DCLRE1A: variants seen among roughly 807,000 people sequenced by gnomAD.
DCLRE1A encodes DNA cross-link repair 1A protein.
Under a neutral mutation model 91.9 loss-of-function variants are expected in DCLRE1A, and 64 were observed. That is an observed-to-expected ratio of 0.70 (90% CI 0.57 to 0.86). The LOEUF (loss-of-function observed/expected upper bound fraction) is 0.86, where lower values mean the gene tolerates loss of function less well. Among genes scored for constraint, DCLRE1A ranks in the 40% least tolerant of loss-of-function variants. The pLI, the probability that DCLRE1A is intolerant of heterozygous loss-of-function variation, is 0.00. For synonymous variants in DCLRE1A, 416 were observed against 431.1 expected (o/e 0.96, Z 0.43); for missense variants, 1,145 against 1,213.3 (o/e 0.94, Z 0.84).
rs370435039 is a variant in DCLRE1A, at chr10:113,852,948, T to C, written c.235A>G (p.Ser79Gly). The C allele has an allele frequency of 2.8e-5, 45 of 1,614,166 alleles. No homozygotes were observed. The African/African-American group carries it at 5.2e-4, about 19-fold the overall frequency. Residue 79 changes from serine (S) to glycine (G), a missense_variant, in exon 1 of 9, where the codon AGT (serine) becomes GGT (glycine). Physicochemically the swap from Ser to Gly is moderately conservative, Grantham distance 56 (BLOSUM62 0). Transcript: ENST00000361384. ...CCATCTCCACAACTTGAATTCTGACTAGAAGCAACAGAAGTCTGACAACCT... is the reference window on the plus strand; with the variant it reads ...CCATCTCCACAACTTGAATTCTGACCAGAAGCAACAGAAGTCTGACAACCT... Reference protein sequence around the residue: ...NAGCQTSVASSQNSSCGDGIQ... With the variant: ...NAGCQTSVASGQNSSCGDGIQ...
chr10:113,844,660 G>A (rs1845501965), intron 4 of DCLRE1A, among the ~76,000 whole-genome samples: 4 of 152,196 alleles, frequency 2.6e-5, no homozygotes, highest in Admixed American at 2.6e-4. Context: ...ACTCGGCCAG[G>A]CATGGTGGCT....
Position 113,850,625 on chromosome 10 carries a change from C to A in DCLRE1A, c.480G>T (p.Leu160=). The change falls in exon 2 of 9, where the codon CTG becomes CTT. Residue 160 remains leucine (L), a synonymous_variant. Coordinates refer to ENST00000361384, the MANE Select transcript of DCLRE1A (RefSeq NM_014881.5). The stretch of plus-strand genomic sequence containing the variant: ...AATGAAAAGGAATGGTTGAGGTACA[C>A]AGAAGACCATCAGGACACTCTGAAA... ...RSETECPDGL[L]CTSTIPFHYK... is the part of the protein sequence containing the mutation. The A allele has an allele frequency of 6.2e-7, 1 of 1,606,602 alleles. No individual in the cohort carries two copies. Among genetic ancestry groups the A allele is most frequent in the South Asian group, 1.1e-5 (1 of 90,416 alleles).
intron 4 of DCLRE1A, among the ~76,000 whole-genome samples, chr10:113,844,693 T>C (rs985096089): frequency 1.3e-5 from 2 of 152,188 alleles, no homozygotes; most frequent in Admixed American, 6.5e-5. Context: ...CCCAGCACTT[T>C]GGGAGGCCGA....
chr10:113,848,953 A>C (rs373646358), intron 2 of DCLRE1A, 27 bp downstream of exon 2: 2 of 1,582,320 alleles, frequency 1.3e-6, no homozygotes, highest in African/African-American at 2.7e-5. Flanking sequence ...CTTTGTTGAT[A>C]TATCGAGTAT....
In DCLRE1A at chr10:113,835,240, A is replaced by G. The variant is rs768849121; in HGVS notation, c.3035T>C (p.Ile1012Thr). ...RFVQWLKPQK[I>T]IPTVNVGTWK... is the part of the protein sequence containing the mutation. ...GGTGCCCACATTTACAGTAGGTATG[A>G]TTTTCTGGGGCTTCAGCCACTGGAC... The change falls in exon 9 of 9, where the codon ATC (isoleucine) becomes ACC (threonine). Residue 1012 changes from isoleucine (I) to threonine (T), a missense_variant. Transcript: ENST00000361384. The G allele has an allele frequency of 2.5e-6, 4 of 1,613,976 alleles. No individual in the cohort carries two copies. In the Admixed American group the frequency reaches 6.7e-5, roughly 27 times the overall value.
At position 113,850,417 on chromosome 10, in the gene DCLRE1A, A is replaced by G. The variant is rs139924098; in HGVS notation, c.688T>C (p.Leu230=). The change falls in exon 2 of 9, where the codon TTG becomes CTG. Residue 230 remains leucine, a synonymous_variant. Transcript: ENST00000361384. ...TDNSVSNDPL[L]MTQYFKKSPS... is the part of the protein sequence containing the mutation. ...GACTTTTTAAAATACTGTGTCATCA[A>G]TAAGGGATCATTTGAAACCGAGTTA... 5 of 1,614,104 alleles carry G rather than the reference A, an allele frequency of 3.1e-6. No homozygotes were observed. Among genetic ancestry groups the G allele is most frequent in the South Asian group, 1.1e-5 (1 of 91,092 alleles).
intron 2 of DCLRE1A, among the ~76,000 whole-genome samples, chr10:113,848,680 A>G (rs992402092): frequency 1.3e-5 from 2 of 152,184 alleles, no homozygotes; most frequent in African/African-American, 4.8e-5. Context: ...CTCCTTTCAT[A>G]TTAAGCTGAA....
At chr10:113,854,145 G>A (rs961048928), upstream of DCLRE1A, 32 of 152,180 alleles carry the variant, frequency 2.1e-4, no homozygotes, top group South Asian at 8.3e-4. Flanking sequence ...GACCCTCACC[G>A]CCCCCCACCT....
chr10:113,840,477 T>A (rs1845429583), intron 7 of DCLRE1A, among the ~76,000 whole-genome samples: 1 of 152,154 alleles, frequency 6.6e-6, no homozygotes, highest in Non-Finnish European at 1.5e-5. Context: ...CCTCTTCCTG[T>A]TCAAAGTGGA....
intron 4 of DCLRE1A, among the ~76,000 whole-genome samples, chr10:113,845,283 G>A (rs1845516078): frequency 6.6e-6 from 1 of 152,194 alleles, no homozygotes; most frequent in African/African-American, 2.4e-5. Context: ...AGTTTAAAGA[G>A]GGGTAGGGGG....
At chr10:113,850,901 T>C (rs1045838598) in intron 1 of DCLRE1A, among the ~76,000 whole-genome samples, 3 of 152,174 alleles carry the variant, frequency 2.0e-5, no homozygotes, top group East Asian at 1.9e-4. Flanking sequence ...ACTACCATGA[T>C]TGAGAAACTT....
intron 3 of DCLRE1A, 112 bp downstream of exon 3, chr10:113,847,090 T>C (rs1845550215): frequency 9.1e-7 from 1 of 1,094,496 alleles, no homozygotes. Flanking sequence ...GTTTTCTCAT[T>C]TTTTTTCTAG....
chr10:113,850,723 G>T, intron 1 of DCLRE1A, 79 bp from the exon 2 acceptor site: 1 of 1,189,574 alleles, frequency 8.4e-7, no homozygotes, highest in South Asian at 1.9e-5. Context: ...TATAAATTGG[G>T]TTCCATTATT....
rs553347370 is a variant in DCLRE1A at position 113,852,333 on chromosome 10, C to G, written c.460+390G>C. Among the ~76,000 whole-genome samples, 7 of 152,240 alleles carry G rather than the reference C, an allele frequency of 4.6e-5. No homozygotes were observed. The East Asian group carries it at 1.4e-3, about 29-fold the overall frequency. ...TCTGGGCAACAGAGAGAGACTCCGT[C>G]TCAAAAAAATAAATAACCAATTGGA... On this transcript the variant is annotated intron_variant, in intron 1 of 8. Transcript: ENST00000361384.
Position 113,850,114 on chromosome 10 carries a change from C to A in DCLRE1A, c.991G>T (p.Asp331Tyr). The A allele has an allele frequency of 6.2e-7, 1 of 1,614,038 alleles. No individual in the cohort carries two copies. Among genetic ancestry groups the A allele is most frequent in the Non-Finnish European group, 8.5e-7 (1 of 1,179,994 alleles). The change falls in exon 2 of 9, where the codon GAT becomes TAT. Residue 331 changes from aspartate (D) to tyrosine (Y), a missense_variant. Coordinates refer to ENST00000361384, the MANE Select transcript of DCLRE1A (RefSeq NM_014881.5). ...TCATCATCTTCTTCGAGGCTGCCAT[C>A]TTTTGAGCTTTCGGTAAAAAACAGT... is the stretch of plus-strand genomic sequence containing the variant. ...EQLFFTESSK[D>Y]GSLEEDDDSC...
chr10:113,847,686 T>C (rs1438129116), intron 2 of DCLRE1A, among the ~76,000 whole-genome samples: 1 of 152,148 alleles, frequency 6.6e-6, no homozygotes, highest in Non-Finnish European at 1.5e-5. Flanking sequence ...AACTTTCTTC[T>C]AAAACATGAA....
chr10:113,847,089 T>G (rs1426533682), intron 3 of DCLRE1A, 113 bp downstream of exon 3: 1 of 1,059,462 alleles, frequency 9.4e-7, no homozygotes, highest in East Asian at 2.6e-5. Context: ...TGTTTTCTCA[T>G]TTTTTTTCTA....
chr10:113,839,101 A>G (rs754344523), intron 7 of DCLRE1A, among the ~76,000 whole-genome samples: 5 of 152,134 alleles, frequency 3.3e-5, no homozygotes, highest in African/African-American at 7.2e-5. Context: ...CAAGGCGGGC[A>G]GATCACGAGG....
At position 113,849,895 on chromosome 10, in the gene DCLRE1A, C is replaced by T. The variant is rs766333284; in HGVS notation, c.1210G>A (p.Gly404Ser). The T allele has an allele frequency of 3.7e-6, 6 of 1,613,774 alleles. No homozygotes were observed. Among genetic ancestry groups the T allele is most frequent in the South Asian group, 1.1e-5 (1 of 91,072 alleles). The change falls in exon 2 of 9, where the codon GGT (glycine) becomes AGT (serine). Residue 404 changes from glycine (G) to serine (S), a missense_variant. Transcript: ENST00000361384. ...GGTGGAAACAACACAAAATCACCAC[C>T]AGTACATGCCAGATCATAAGGCAAA... ...STLPYDLACT[G>S]GDFVLFPPAL... is the part of the protein sequence containing the mutation.
Sources: allele counts gnomAD v4.1 joint callset (sites outside exome capture counted in the v4.1 genomes callset), GRCh38; gene constraint gnomAD v4.1.1; transcripts MANE v1.5; gene names NCBI Gene and HGNC (gene_info 2026-07-23, HGNC 2026-07-21).